LRBA: variants seen among roughly 807,000 people sequenced by gnomAD.
LRBA encodes LPS responsive beige-like anchor protein.
Under a neutral mutation model 330.0 loss-of-function variants are expected in LRBA, and 176 were observed. The observed-to-expected ratio is 0.53, with a 90% confidence interval of 0.47 to 0.60. The LOEUF is 0.60. LRBA is among the 20% of genes least tolerant of loss of function. The pLI, the probability that LRBA is intolerant of heterozygous loss-of-function variation, is 0.00. For missense variants in LRBA, 3,259 were observed against 3,444.8 expected, an observed-to-expected ratio of 0.95 and a Z score of 1.35; for synonymous variants, 1,230 against 1,193.0, an observed-to-expected ratio of 1.03 and a Z score of -0.64.
chr4:150,323,386 C>A (rs555379400), intron 49 of LRBA, among the ~76,000 whole-genome samples: 2 of 152,156 alleles, frequency 1.3e-5, no homozygotes, highest in African/African-American at 4.8e-5. Flanking sequence ...AAAGGAAGTA[C>A]ATACATATTT....
chr4:150,829,867 TTC>T (rs750982177), intron 29 of LRBA, among the ~76,000 whole-genome samples: 17 of 152,352 alleles, frequency 1.1e-4, no homozygotes, highest in African/African-American at 2.9e-4. Flanking sequence ...ACTGAATTTC[TTC>T]TCTTTTTATC....
At chr4:150,451,380 AC>A (rs1324745379) in intron 44 of LRBA, among the ~76,000 whole-genome samples, 1 of 152,230 alleles carries the variant, frequency 6.6e-6, no homozygotes, top group Non-Finnish European at 1.5e-5. Flanking sequence ...ATGGAATTAA[AC>A]TAGAAATAAA....
chr4:150,629,209 G>C (rs1184487571), intron 37 of LRBA, among the ~76,000 whole-genome samples: 2 of 152,154 alleles, frequency 1.3e-5, no homozygotes, highest in Non-Finnish European at 2.9e-5. Flanking sequence ...GCCTCAAAAT[G>C]TCAATGTAAT....
intron 37 of LRBA, among the ~76,000 whole-genome samples, chr4:150,642,874 G>GA (rs1778810575): frequency 6.6e-6 from 1 of 151,528 alleles, no homozygotes; most frequent in African/African-American, 2.4e-5. Context: ...TACTCTCAAA[G>GA]AAAAAATGTT....
intron 37 of LRBA, among the ~76,000 whole-genome samples, chr4:150,652,871 T>C (rs1241348156): frequency 6.6e-6 from 1 of 152,222 alleles, no homozygotes; most frequent in Non-Finnish European, 1.5e-5. Flanking sequence ...TTTTTGGTGA[T>C]GTTAATATTG....
At chr4:150,455,102 T>TTTG (rs1561202227) in intron 44 of LRBA, among the ~76,000 whole-genome samples, 1 of 150,978 alleles carries the variant, frequency 6.6e-6, no homozygotes, top group African/African-American at 2.4e-5. Context: ...ATTAGGTATA[T>TTTG]CTCCCAATGC....
rs1422466295 is a variant in LRBA at position 150,867,735 on chromosome 4, G to A, written c.2702C>T (p.Ala901Val). ...YAIFRILLYH[A>V]VKYEWGGWRV... is the part of the protein sequence containing the mutation. ...CCAGCCACCCCACTCATATTTGACT[G>A]CATGGTAAAGCAGGATTCTGAATAT... The change falls in exon 22 of 57, where the codon GCA (alanine) becomes GTA (valine). Residue 901 changes from alanine to valine, a missense_variant. Transcript: ENST00000651943. The A allele has an allele frequency of 2.5e-6, 4 of 1,613,598 alleles. No individual in the cohort carries two copies. The highest frequency in any genetic ancestry group is 1.7e-6 in the Non-Finnish European group (2 of 1,179,766).
chr4:150,401,019 A>T (rs1165339897), intron 47 of LRBA, among the ~76,000 whole-genome samples: 1 of 152,202 alleles, frequency 6.6e-6, no homozygotes, highest in East Asian at 1.9e-4. Flanking sequence ...GTTAAAATGA[A>T]GTCATTTGGA....
intron 55 of LRBA, among the ~76,000 whole-genome samples, chr4:150,282,019 G>A (rs1044241905): frequency 5.3e-5 from 8 of 152,150 alleles, no homozygotes; most frequent in Admixed American, 5.2e-4. Flanking sequence ...AACCTAAATA[G>A]TCATAATCCC....
chr4:150,501,666 A>C (rs1245219383), intron 40 of LRBA, among the ~76,000 whole-genome samples: 1 of 152,156 alleles, frequency 6.6e-6, no homozygotes, highest in African/African-American at 2.4e-5. Flanking sequence ...CACAGCAAAA[A>C]ACAAAAGGGG....
intron 53 of LRBA, among the ~76,000 whole-genome samples, chr4:150,288,002 T>C (rs917468359): frequency 6.6e-5 from 10 of 151,818 alleles, no homozygotes; most frequent in African/African-American, 2.4e-4. Flanking sequence ...TTTTTTTTTT[T>C]TTTTTCTGAG....
chr4:150,599,033 G>T lies in LRBA; in HGVS notation c.6020C>A (p.Ala2007Glu). The stretch of plus-strand genomic sequence containing the variant: ...ATGTTCCACGGCTGTTTTTAGTGTC[G>T]CTTCAGGATGTGTCGATCCTAGAGG... ...RNPLGSTHPE[A>E]TLKTAVEHAT... Residue 2007 changes from alanine to glutamate, a missense_variant, in exon 38 of 57, where the codon GCG (alanine) becomes GAG (glutamate). By Grantham distance (107) the Ala-to-Glu change is moderately radical. Coordinates refer to ENST00000651943, the MANE Select transcript of LRBA (RefSeq NM_001364905.1). 6.2e-7 allele frequency: 1 copy of T among 1,613,970 alleles called. No individual in the cohort carries two copies. Among genetic ancestry groups the T allele is most frequent in the Non-Finnish European group, 8.5e-7 (1 of 1,179,948 alleles).
In LRBA at chr4:150,694,462, C is replaced by CAAAAAAAAAAAAAAAAAAA. The variant is rs58558446; in HGVS notation, c.5755-10746_5755-10745insTTTTTTTTTTTTTTTTTTT. Among the ~76,000 whole-genome samples, 121 of 71,004 alleles carry CAAAAAAAAAAAAAAAAAAA rather than the reference C, an allele frequency of 1.7e-3. 32 individuals are homozygous for CAAAAAAAAAAAAAAAAAAA. Among genetic ancestry groups the CAAAAAAAAAAAAAAAAAAA allele is most frequent in the East Asian group, 7.8e-3 (13 of 1,670 alleles). The allele number at this position is 71,004 out of a possible 152,430, so 46.6% of individuals were successfully genotyped here. A position where few individuals can be genotyped will look rare whatever the true frequency, so the allele number is the denominator to read the frequency against. On this transcript the variant is annotated intron_variant, in intron 36 of 56. Coordinates refer to ENST00000651943, the MANE Select transcript of LRBA (RefSeq NM_001364905.1). ...CCTTACCTTAAAGTGTGATCTTTAA[C>CAAAAAAAAAAAAAAAAAAA]AAAAAAAAAAAAAAGCTATCTACAG...
At chr4:150,756,821 C>T (rs149264806) in intron 35 of LRBA, among the ~76,000 whole-genome samples, 120 of 152,132 alleles carry the variant, frequency 7.9e-4, no homozygotes, top group African/African-American at 2.7e-3. Flanking sequence ...TAAAAGGTGG[C>T]TTTAATATTC....
intron 2 of LRBA, among the ~76,000 whole-genome samples, chr4:150,967,038 A>C (rs1019626035): frequency 1.3e-5 from 2 of 152,230 alleles, no homozygotes; most frequent in African/African-American, 4.8e-5. Context: ...CCATAAACTT[A>C]AAATATCAAG....
chr4:150,617,467 C>A (rs892423666), intron 37 of LRBA, among the ~76,000 whole-genome samples: 1 of 151,502 alleles, frequency 6.6e-6, no homozygotes, highest in Admixed American at 6.6e-5. Context: ...CATGGTGAAA[C>A]CCTGTCTCTA....
chr4:150,566,150 A>G (rs1769106507), intron 40 of LRBA, among the ~76,000 whole-genome samples: 1 of 152,062 alleles, frequency 6.6e-6, no homozygotes, highest in African/African-American at 2.4e-5. Context: ...GATTGCTTCA[A>G]CCCTGGAGTT....
At chr4:150,908,199 C>T (rs922703849) in intron 11 of LRBA, 135 bp downstream of exon 11, 5 of 784,252 alleles carry the variant, frequency 6.4e-6, no homozygotes, top group Non-Finnish European at 1.0e-5. Context: ...TTAATATGGA[C>T]TTGTAATACA....
chr4:150,856,184 C>G (rs1751211491), intron 22 of LRBA, among the ~76,000 whole-genome samples: 1 of 152,142 alleles, frequency 6.6e-6, no homozygotes, highest in Admixed American at 6.5e-5. Context: ...TCACATTAGA[C>G]AGGAAAACAG....
Sources: allele counts gnomAD v4.1 joint callset (sites outside exome capture counted in the v4.1 genomes callset), GRCh38; gene constraint gnomAD v4.1.1; transcripts MANE v1.5; gene names NCBI Gene and HGNC (gene_info 2026-07-23, HGNC 2026-07-21).